RBAK: variants seen among roughly 807,000 people sequenced by gnomAD.
RBAK encodes RB-associated KRAB zinc finger protein.
In RBAK, 39 loss-of-function variants were observed where a neutral mutation model predicts 65.8. The observed-to-expected ratio is 0.59, with a 90% confidence interval of 0.46 to 0.77. The LOEUF (loss-of-function observed/expected upper bound fraction) is 0.77. RBAK is among the 30% of genes least tolerant of loss of function. The pLI is 0.00. For missense variants in RBAK, 884 were observed against 855.1 expected (o/e 1.03, Z -0.42); for synonymous variants, 343 against 289.7 (o/e 1.18, Z -1.87).
At position 5,046,187 on chromosome 7, in the gene RBAK, T is replaced by C; in HGVS notation, c.-254T>C. ...CTGGCGGCCTGGCCCAGGCTGCCGC[T>C]GTACGGTGAGCCCGAGGGAGGCGGA... On this transcript the variant is annotated 5_prime_UTR_variant, in exon 1 of 5. Coordinates refer to ENST00000396912, the MANE Select transcript of RBAK (RefSeq NM_021163.4). 1 of 467,492 alleles carries C rather than the reference T, an allele frequency of 2.1e-6. No individual in the cohort carries two copies. Among genetic ancestry groups the C allele is most frequent in the Non-Finnish European group, 4.2e-6 (1 of 235,386 alleles). 29.0% of individuals were successfully genotyped at this position (467,492 alleles called of 1,614,324 possible). A position where few individuals can be genotyped will look rare whatever the true frequency, so the allele number is the denominator to read the frequency against.
intron 2 of RBAK, among the ~76,000 whole-genome samples, chr7:5,055,515 T>C (rs1363957203): frequency 6.6e-6 from 1 of 152,174 alleles, no homozygotes; most frequent in Non-Finnish European, 1.5e-5. Context: ...ATACAAGATT[T>C]TTCTTCTTTG....
Position 5,066,768 on chromosome 7 carries a change from A to G in RBAK, c.*1167A>G, listed in dbSNP as rs1779229005. ...CACATGACACAGGGGAATCCTGATTAGTCAAAATAATAATGATTTCATTCT... is the reference window on the plus strand; with the variant it reads ...CACATGACACAGGGGAATCCTGATTGGTCAAAATAATAATGATTTCATTCT... On this transcript the variant is annotated 3_prime_UTR_variant, in exon 5 of 5. Transcript: ENST00000396912. The G allele has an allele frequency of 6.6e-6, 1 of 152,318 alleles. No individual in the cohort carries two copies. 9.4% of individuals were successfully genotyped at this position (152,318 alleles called of 1,614,324 possible). A position where few individuals can be genotyped will look rare whatever the true frequency, so the allele number is the denominator to read the frequency against.
chr7:5,064,337 G>A lies in RBAK; in HGVS notation c.881G>A (p.Cys294Tyr). Residue 294 changes from cysteine to tyrosine, a missense_variant, in exon 5 of 5, where the codon TGT (cysteine) becomes TAT (tyrosine). Coordinates refer to ENST00000396912, the MANE Select transcript of RBAK (RefSeq NM_021163.4). This position sits in a 1 kb window ranked among gnomAD's most constrained non-coding sequence, Gnocchi z 6.3. ...TGEKPYECNV[C>Y]GKSFSQKGTL... The stretch of plus-strand genomic sequence containing the variant: ...GAGAAACCTTATGAATGTAATGTAT[G>A]TGGGAAATCCTTCAGCCAAAAGGGA... 6 of 1,614,128 alleles carry A rather than the reference G, an allele frequency of 3.7e-6. No individual in the cohort carries two copies. The highest frequency in any genetic ancestry group is 5.1e-6 in the Non-Finnish European group (6 of 1,179,984).
rs1779165163 is a variant in RBAK, at chr7:5,064,494, A to G, written c.1038A>G (p.Glu346=). 1.2e-6 allele frequency: 2 copies of G among 1,613,914 alleles called. No individual in the cohort carries two copies. Among genetic ancestry groups the G allele is most frequent in the South Asian group, 1.1e-5 (1 of 91,082 alleles). The stretch of plus-strand genomic sequence containing the variant: ...CTCATTCAGGAGAGAAACCCTACGA[A>G]TGTAGCGAATGTGGGAAAACCTTCT... ...LRTHSGEKPY[E]CSECGKTFCQ... Residue 346 remains glutamate (E), a synonymous_variant, in exon 5 of 5, where the codon GAA becomes GAG. Coordinates refer to ENST00000396912, the MANE Select transcript of RBAK (RefSeq NM_021163.4). The surrounding 1 kb of genome is among the most constrained non-coding windows in gnomAD (Gnocchi z 6.3).
chr7:5,054,966 AG>A (rs1413035921), intron 2 of RBAK, among the ~76,000 whole-genome samples: 1 of 151,520 alleles, frequency 6.6e-6, no homozygotes, highest in Non-Finnish European at 1.5e-5. Flanking sequence ...TTTTTAGTAG[AG>A]ATGGGGGTTT....
intron 2 of RBAK, among the ~76,000 whole-genome samples, chr7:5,052,017 C>G (rs529758839): frequency 1.3e-5 from 2 of 152,282 alleles, no homozygotes; most frequent in Admixed American, 1.3e-4. Context: ...GGTTCTCTTT[C>G]TCTTTGCAAT....
intron 2 of RBAK, among the ~76,000 whole-genome samples, chr7:5,051,603 C>T (rs1174591190): frequency 6.6e-6 from 1 of 152,190 alleles, no homozygotes; most frequent in South Asian, 2.1e-4. Context: ...CAGTCTAGGA[C>T]TGTCAATTGC....
chr7:5,061,447 C>CTTTT (rs199823841), intron 4 of RBAK, among the ~76,000 whole-genome samples: 2 of 113,654 alleles, frequency 1.8e-5, no homozygotes, highest in African/African-American at 3.5e-5. Flanking sequence ...TTTTGTTTTT[C>CTTTT]TTTTTCTTTT....
In RBAK at chr7:5,064,560, A is replaced by G. The variant is rs747612034; in HGVS notation, c.1104A>G (p.Ser368=). Residue 368 remains serine, a synonymous_variant, in exon 5 of 5, where the codon TCA becomes TCG. Transcript: ENST00000396912. The surrounding 1 kb of genome is among the most constrained non-coding windows in gnomAD (Gnocchi z 6.3). The part of the protein sequence containing the change: ...THLTLHQRNH[S]GERPYPCNEC... ...TCACCCTGCACCAGAGGAATCATTCAGGAGAGAGGCCCTATCCATGTAACG... is the reference window on the plus strand; with the variant it reads ...TCACCCTGCACCAGAGGAATCATTCGGGAGAGAGGCCCTATCCATGTAACG... 1 of 1,614,056 alleles carries G rather than the reference A, an allele frequency of 6.2e-7. No individual in the cohort carries two copies. The highest frequency in any genetic ancestry group is 8.5e-7 in the Non-Finnish European group (1 of 1,179,944).
At chr7:5,049,540 A>G (rs938240560) in intron 2 of RBAK, among the ~76,000 whole-genome samples, 1 of 152,162 alleles carries the variant, frequency 6.6e-6, no homozygotes, top group Non-Finnish European at 1.5e-5. Flanking sequence ...ATTGCAGTCA[A>G]ATCCAGAGGG....
intron 2 of RBAK, among the ~76,000 whole-genome samples, chr7:5,050,872 A>G (rs1309385514): frequency 6.6e-6 from 1 of 152,330 alleles, no homozygotes; most frequent in East Asian, 1.9e-4. Flanking sequence ...CAGCTGGCCT[A>G]GAATACTTTT....
chr7:5,057,685 A>G lies in RBAK; in HGVS notation c.144A>G (p.Gly48=), dbSNP rs1397389224. 1.2e-6 allele frequency: 2 copies of G among 1,613,800 alleles called. No individual in the cohort carries two copies. Among genetic ancestry groups the G allele is most frequent in the South Asian group, 1.1e-5 (1 of 91,080 alleles). Residue 48 remains glycine, a splice_region_variant and synonymous_variant, in exon 4 of 5, where the codon GGA becomes GGG. Transcript: ENST00000396912. ...TCCTCCTTCTTTTCCCATTAACAGG[A>G]TATGATACCACCAAGCCAAACGTCA... is the stretch of plus-strand genomic sequence containing the variant. ...LENYSHLVSV[G]YDTTKPNVII...
At chr7:5,058,346 A>G (rs1778979602) in intron 4 of RBAK, among the ~76,000 whole-genome samples, 1 of 152,154 alleles carries the variant, frequency 6.6e-6, no homozygotes, top group South Asian at 2.1e-4. Flanking sequence ...AAGTGCTGAG[A>G]TTACAGTCCT....
rs150630231 is a variant in RBAK at position 5,064,689 on chromosome 7, C to T, written c.1233C>T (p.Tyr411=). ...YKCNECGKSY[Y]RKSTLITHQR... ...GTAATGAATGTGGGAAATCCTACTA[C>T]CGAAAGTCTACTCTGATTACACATC... Residue 411 remains tyrosine (Y), a synonymous_variant, in exon 5 of 5, where the codon TAC becomes TAT. Transcript: ENST00000396912. The surrounding 1 kb of genome is among the most constrained non-coding windows in gnomAD (Gnocchi z 6.3). The T allele has an allele frequency of 6.2e-7, 1 of 1,612,050 alleles. No individual in the cohort carries two copies. The highest frequency in any genetic ancestry group is 1.3e-5 in the African/African-American group (1 of 74,954).
intron 2 of RBAK, among the ~76,000 whole-genome samples, chr7:5,056,260 A>G (rs916448338): frequency 2.0e-5 from 3 of 151,894 alleles, no homozygotes; most frequent in African/African-American, 4.8e-5. Flanking sequence ...GGCGTGTGCC[A>G]TGATGCCCAG....
chr7:5,054,425 A>T (rs546778017), intron 2 of RBAK, among the ~76,000 whole-genome samples: 3 of 148,420 alleles, frequency 2.0e-5, no homozygotes, highest in Admixed American at 6.7e-5. Flanking sequence ...AAAAAAAACC[A>T]TTGCTTCATA....
intron 2 of RBAK, among the ~76,000 whole-genome samples, chr7:5,056,343 C>T (rs1562536013): frequency 6.6e-6 from 1 of 151,820 alleles, no homozygotes. Context: ...GTCTCGAACT[C>T]CTGAGCTCAA....
At position 5,064,921 on chromosome 7, in the gene RBAK, G is replaced by A. The variant is rs539259619; in HGVS notation, c.1465G>A (p.Glu489Lys). The A allele has an allele frequency of 6.2e-7, 1 of 1,614,066 alleles. No homozygotes were observed. Among genetic ancestry groups the A allele is most frequent in the African/African-American group, 1.3e-5 (1 of 75,040 alleles). ...HTEEKSHECS[E>K]CGKFSQLYLT... ...AGAAGAGAAATCCCATGAATGTAGT[G>A]AATGTGGAAAGTTCTCTCAGTTGTA... Residue 489 changes from glutamate (E) to lysine (K), a missense_variant, in exon 5 of 5, where the codon GAA (glutamate) becomes AAA (lysine). Coordinates refer to ENST00000396912, the MANE Select transcript of RBAK (RefSeq NM_021163.4). This position sits in a 1 kb window ranked among gnomAD's most constrained non-coding sequence, Gnocchi z 6.3.
intron 2 of RBAK, among the ~76,000 whole-genome samples, chr7:5,051,797 A>G (rs1788123157): frequency 6.6e-6 from 1 of 152,202 alleles, no homozygotes; most frequent in Non-Finnish European, 1.5e-5. Context: ...GACCTCTTAA[A>G]TTTATGGCTC....
Sources: allele counts gnomAD v4.1 joint callset (sites outside exome capture counted in the v4.1 genomes callset), GRCh38; gene constraint gnomAD v4.1.1; non-coding constraint Gnocchi (gnomAD v3.1); transcripts MANE v1.5; gene names NCBI Gene and HGNC (gene_info 2026-07-23, HGNC 2026-07-21).